Variants in AGPAT3 observed in about 807,000 individuals in gnomAD.
The protein encoded by AGPAT3 is 1-acylglycerol-3-phosphate O-acyltransferase 3.
AGPAT3 carries 5 observed loss-of-function variants against 47.3 expected under a neutral mutation model. That is an observed-to-expected ratio of 0.11 (90% CI 0.06 to 0.22). The LOEUF is 0.22. Among genes scored for constraint, AGPAT3 ranks in the 10% least tolerant of loss-of-function variants. The pLI, the probability that AGPAT3 is intolerant of heterozygous loss-of-function variation, is 1.00. For synonymous variants in AGPAT3, 212 were observed against 208.3 expected, an observed-to-expected ratio of 1.02 and a Z score of -0.15; for missense variants, 315 against 493.0, an observed-to-expected ratio of 0.64 and a Z score of 3.42.
chr21:43,915,199 G>A (rs923724616), intron 2 of AGPAT3, among the ~76,000 whole-genome samples: 4 of 151,082 alleles, frequency 2.6e-5, no homozygotes, highest in Non-Finnish European at 4.4e-5. Flanking sequence ...TTACAGGTGC[G>A]CGCCACCATG....
At chr21:43,956,769 G>A (rs1347708106) in intron 2 of AGPAT3, among the ~76,000 whole-genome samples, 3 of 152,214 alleles carry the variant, frequency 2.0e-5, no homozygotes, top group East Asian at 3.8e-4. Context: ...GGCCCCCTCA[G>A]GAGTAGGAGG....
intron 1 of AGPAT3, among the ~76,000 whole-genome samples, chr21:43,878,267 G>A (rs1215444206): frequency 2.6e-5 from 4 of 152,222 alleles, no homozygotes; most frequent in Non-Finnish European, 5.9e-5. Flanking sequence ...CTTCGACCTG[G>A]ATGTCACTTT....
At position 43,959,314 on chromosome 21, in the gene AGPAT3, CGT is replaced by C. The variant is rs756132297; in HGVS notation, c.-48-312_-48-311del. ...GTTTGTGATGAGCTGTGGTGTGTGG[CGT>C]GTGTGTGGTTGTGTGTGTGTGGCGT... On this transcript the variant is annotated intron_variant, in intron 2 of 9. Transcript: ENST00000291572. Among the ~76,000 whole-genome samples, 510 of 79,618 alleles carry C rather than the reference CGT, an allele frequency of 6.4e-3. 3 individuals are homozygous for C. The highest frequency in any genetic ancestry group is 0.024 in the African/African-American group (470 of 19,884). 52.2% of individuals were successfully genotyped at this position (79,618 alleles called of 152,430 possible).
chr21:43,954,931 A>G lies in AGPAT3; in HGVS notation c.-48-4703A>G. The stretch of plus-strand genomic sequence containing the variant: ...CGTAGACTTTCTAGCCCAGAGGTTC[A>G]GGTGATGGACCAGAGACTGGCCGCT... On this transcript the variant is annotated intron_variant, in intron 2 of 9. Coordinates refer to ENST00000291572, the MANE Select transcript of AGPAT3 (RefSeq NM_020132.5). This position sits in a 1 kb window ranked among gnomAD's most constrained non-coding sequence, Gnocchi z 4.0. The G allele has an allele frequency of 1.2e-6, 1 of 842,570 alleles. No homozygotes were observed. The highest frequency in any genetic ancestry group is 1.5e-6 in the Non-Finnish European group (1 of 655,202). The allele number at this position is 842,570 out of a possible 1,614,324, so 52.2% of individuals were successfully genotyped here.
chr21:43,960,092 G>T lies in AGPAT3; in HGVS notation c.178+233G>T, dbSNP rs57564710. On this transcript the variant is annotated intron_variant, in intron 3 of 9. Coordinates refer to ENST00000291572, the MANE Select transcript of AGPAT3 (RefSeq NM_020132.5). The stretch of plus-strand genomic sequence containing the variant: ...ACCCATAGCAATGGCAGCTTCCCAC[G>T]GTTTACCAGAGCATATGGGAATGTT... 9.0e-3 allele frequency among the ~76,000 whole-genome samples: 1,376 copies of T among 152,278 alleles called. 18 individuals carry two copies. The highest frequency in any genetic ancestry group is 0.031 in the African/African-American group (1,299 of 41,550).
At chr21:43,903,213 C>A (rs62228751) in intron 1 of AGPAT3, among the ~76,000 whole-genome samples, 1 of 152,030 alleles carries the variant, frequency 6.6e-6, no homozygotes, top group Non-Finnish European at 1.5e-5. Flanking sequence ...GTGGTTAACT[C>A]GTAGAGATAG....
rs2086916043 is a variant in AGPAT3 at position 43,922,292 on chromosome 21, G to A, written c.-49+18273G>A. Among the ~76,000 whole-genome samples, 1 of 152,112 alleles carries A rather than the reference G, an allele frequency of 6.6e-6. No homozygotes were observed. On this transcript the variant is annotated intron_variant, in intron 2 of 9. Transcript: ENST00000291572. The surrounding 1 kb of genome is among the most constrained non-coding windows in gnomAD (Gnocchi z 4.9). Reference sequence around the variant, plus strand: ...CCTGTTCTTGTGGGGGTGGCGAGGCGAGGATGGTGAACACATCAGCAAACA... The same window carrying A: ...CCTGTTCTTGTGGGGGTGGCGAGGCAAGGATGGTGAACACATCAGCAAACA...
At chr21:43,878,624 CGTT>C (rs1272323181) in intron 1 of AGPAT3, among the ~76,000 whole-genome samples, 2 of 152,204 alleles carry the variant, frequency 1.3e-5, no homozygotes, top group Admixed American at 6.5e-5. Flanking sequence ...ACGTTAGACA[CGTT>C]GTTGCTGATT....
chr21:43,919,977 G>A (rs543637884), intron 2 of AGPAT3: 10 of 152,296 alleles, frequency 6.6e-5, no homozygotes, highest in South Asian at 4.1e-4. Context: ...TTTTCAAACC[G>A]GCTTTCCTCA....
chr21:43,897,143 G>A (rs956150814), intron 1 of AGPAT3, among the ~76,000 whole-genome samples: 1 of 151,668 alleles, frequency 6.6e-6, no homozygotes, highest in Non-Finnish European at 1.5e-5. Context: ...CTTGAGATTA[G>A]GGAGTGGTGA....
chr21:43,890,210 G>A (rs1231975579), intron 1 of AGPAT3, among the ~76,000 whole-genome samples: 1 of 152,080 alleles, frequency 6.6e-6, no homozygotes, highest in Non-Finnish European at 1.5e-5. Context: ...GTGAGATCTG[G>A]CTGTTTGAAA....
chr21:43,897,923 G>A (rs1207980793), intron 1 of AGPAT3, among the ~76,000 whole-genome samples: 1 of 152,204 alleles, frequency 6.6e-6, no homozygotes, highest in Non-Finnish European at 1.5e-5. Context: ...CAGATCACTC[G>A]AGGTCAGGAG....
rs577743228 is a variant in AGPAT3 at position 43,967,710 on chromosome 21, G to A, written c.179-236G>A. 1.0e-4 allele frequency: 53 copies of A among 513,276 alleles called. No homozygotes were observed. The Admixed American group carries it at 1.1e-3, about 11-fold the overall frequency. The allele number at this position is 513,276 out of a possible 1,614,324, so 31.8% of individuals were successfully genotyped here. ...TGGGCGTAAAGATCAGCGTCTCCAT[G>A]CAGAGTGGCGGTTCTCTCCCTTTCT... On this transcript the variant is annotated intron_variant, in intron 3 of 9. Coordinates refer to ENST00000291572, the MANE Select transcript of AGPAT3 (RefSeq NM_020132.5).
chr21:43,902,646 G>A (rs907150216), intron 1 of AGPAT3, among the ~76,000 whole-genome samples: 1 of 152,130 alleles, frequency 6.6e-6, no homozygotes, highest in Non-Finnish European at 1.5e-5. Flanking sequence ...CTCCCTCTTG[G>A]CCTAATCCCC....
intron 2 of AGPAT3, among the ~76,000 whole-genome samples, chr21:43,914,756 G>A (rs1162573378): frequency 6.6e-6 from 1 of 152,066 alleles, no homozygotes; most frequent in Non-Finnish European, 1.5e-5. Context: ...TGCCCAGGCT[G>A]GTTTCGAACT....
At chr21:43,953,671 C>CTGTGGGGTTTTTTTTTTTTTTTTTTTTTT (rs2088310077) in intron 2 of AGPAT3, among the ~76,000 whole-genome samples, 1 of 152,176 alleles carries the variant, frequency 6.6e-6, no homozygotes, top group Non-Finnish European at 1.5e-5. Flanking sequence ...TCCAGAAGAG[C>CTGTGGGGTTTTTTTTTTTTTTTTTTTTTT]TTTTTTTGTG....
chr21:43,968,050 A>G lies in AGPAT3; in HGVS notation c.283A>G (p.Asn95Asp). ...FGKEHAVIIL[N>D]HNFEIDFLCG... ...GAAGGAGCACGCAGTCATCATCCTC[A>G]ACCACAACTTCGAGATCGACTTCCT... is the stretch of plus-strand genomic sequence containing the variant. Residue 95 changes from asparagine to aspartate, a missense_variant, in exon 4 of 10, where the codon AAC (asparagine) becomes GAC (aspartate). Transcript: ENST00000291572. The G allele has an allele frequency of 6.2e-7, 1 of 1,613,728 alleles. No homozygotes were observed. The highest frequency in any genetic ancestry group is 8.5e-7 in the Non-Finnish European group (1 of 1,179,972).
At position 43,987,258 on chromosome 21, in the gene AGPAT3, G is replaced by C. The variant is rs373053474; in HGVS notation, c.*4866G>C. 1.3e-5 allele frequency among the ~76,000 whole-genome samples: 2 copies of C among 152,138 alleles called. No homozygotes were observed. Among genetic ancestry groups the C allele is most frequent in the African/African-American group, 4.8e-5 (2 of 41,422 alleles). On this transcript the variant is annotated 3_prime_UTR_variant, in exon 10 of 10. Coordinates refer to ENST00000291572, the MANE Select transcript of AGPAT3 (RefSeq NM_020132.5). ...ACCCACCTTCAGAGCCCACTCCCAC[G>C]GGCTCTGTTTCCTTGGAGGCCATCC...
chr21:43,931,690 C>T (rs763473641), intron 2 of AGPAT3, among the ~76,000 whole-genome samples: 28 of 152,226 alleles, frequency 1.8e-4, no homozygotes, highest in African/African-American at 5.5e-4. Flanking sequence ...CCCCAGCCAC[C>T]GGCACTGTCG....
Sources: allele counts gnomAD v4.1 joint callset (sites outside exome capture counted in the v4.1 genomes callset), GRCh38; gene constraint gnomAD v4.1.1; non-coding constraint Gnocchi (gnomAD v3.1); transcripts MANE v1.5; gene names NCBI Gene and HGNC (gene_info 2026-07-23, HGNC 2026-07-21).